MTA3: variants seen among roughly 807,000 people sequenced by gnomAD.
MTA3 encodes metastasis associated 1 family member 3, also known as metastasis-associated protein MTA3.
In MTA3, 34 loss-of-function variants were observed where a neutral mutation model predicts 83.5. The ratio of observed to expected loss-of-function variants is 0.41; its 90% CI spans 0.31 to 0.54. MTA3 has a LOEUF of 0.54. Among genes scored for constraint, MTA3 ranks in the 20% least tolerant of loss-of-function variants. The pLI is 0.33. For missense variants in MTA3, 761 were observed against 726.4 expected, an observed-to-expected ratio of 1.05 and a Z score of -0.55; for synonymous variants, 303 against 252.7, an observed-to-expected ratio of 1.20 and a Z score of -1.89.
At chr2:42,731,237 A>G (rs1262050165) in intron 16 of MTA3, among the ~76,000 whole-genome samples, 1 of 151,386 alleles carries the variant, frequency 6.6e-6, no homozygotes, top group Non-Finnish European at 1.5e-5. Flanking sequence ...CTTTTCTTTT[A>G]CTATTTTGGA....
intron 2 of MTA3, among the ~76,000 whole-genome samples, chr2:42,549,235 A>G (rs1460687955): frequency 3.7e-5 from 5 of 134,334 alleles, no homozygotes; most frequent in African/African-American, 1.1e-4. Context: ...TTATATATGT[A>G]TACGTATATA....
intron 4 of MTA3, among the ~76,000 whole-genome samples, chr2:42,633,743 A>AT (rs1686913692): frequency 6.6e-6 from 1 of 151,814 alleles, no homozygotes. Context: ...TACAAAAAAA[A>AT]GTTAGCCGGC....
rs916219567 is a variant in MTA3 at position 42,754,633 on chromosome 2, G to A, written c.*1234G>A. 1.0e-5 allele frequency: 10 copies of A among 985,480 alleles called. No homozygotes were observed. Among genetic ancestry groups the A allele is most frequent in the Non-Finnish European group, 1.2e-5 (10 of 829,966 alleles). 61.0% of individuals were successfully genotyped at this position (985,480 alleles called of 1,614,324 possible). A position where few individuals can be genotyped will look rare whatever the true frequency, so the allele number is the denominator to read the frequency against. On this transcript the variant is annotated 3_prime_UTR_variant, in exon 17 of 17. Coordinates refer to ENST00000405094, the MANE Select transcript of MTA3 (RefSeq NM_001330442.2). ...CAACTCCCCTGCCCTCTGTTTGCAG[G>A]CACAGGGTCACAGTCCCAAGAAAGA...
chr2:42,498,857 C>T (rs1007639737), intron 2 of MTA3, among the ~76,000 whole-genome samples: 10 of 152,124 alleles, frequency 6.6e-5, no homozygotes, highest in Admixed American at 6.6e-4. Flanking sequence ...TAGAAATTTG[C>T]CAGCCAAGCC....
At chr2:42,679,056 G>C (rs1179889946) in intron 8 of MTA3, among the ~76,000 whole-genome samples, 1 of 152,050 alleles carries the variant, frequency 6.6e-6, no homozygotes, top group Non-Finnish European at 1.5e-5. Context: ...AACTGATCTG[G>C]TGCCCCAGGT....
intron 3 of MTA3, 107 bp from the exon 4 acceptor site, chr2:42,609,351 G>C: frequency 1.6e-6 from 2 of 1,216,600 alleles, no homozygotes; most frequent in Non-Finnish European, 2.3e-6. Context: ...ATTTAAAATT[G>C]ATTAGTTTGA....
Position 42,659,762 on chromosome 2 carries a change from G to T in MTA3, c.603-1G>T, listed in dbSNP as rs991665280. The T allele has an allele frequency of 6.3e-7, 1 of 1,587,804 alleles. No homozygotes were observed. ...CCTTATTGTGTTTGTGGTTTATTCA[G>T]TGCTGTTGGGACATTCGCCAGAGCC... On this transcript the variant is annotated splice_acceptor_variant, in intron 7 of 16. Transcript: ENST00000405094. LOFTEE classifies it high-confidence loss of function.
At chr2:42,632,812 A>C (rs140864453) in intron 4 of MTA3, among the ~76,000 whole-genome samples, 152 of 152,198 alleles carry the variant, frequency 1.0e-3, no homozygotes, top group African/African-American at 3.2e-3. Context: ...ACACACAAAC[A>C]GATGTTTCAG....
At chr2:42,595,186 T>C (rs1460889378) in intron 3 of MTA3, among the ~76,000 whole-genome samples, 2 of 136,734 alleles carry the variant, frequency 1.5e-5, no homozygotes, top group Non-Finnish European at 3.0e-5. Flanking sequence ...CTCAGCTCAC[T>C]GCAAGCTCCA....
rs781358636 is a variant in MTA3, at chr2:42,709,278, G to GA, written c.1525+182_1525+183insA. 6.3e-4 allele frequency: 850 copies of GA among 1,346,424 alleles called. 2 individuals are homozygous for GA. Among genetic ancestry groups the GA allele is most frequent in the Middle Eastern group, 1.7e-3 (6 of 3,624 alleles). The allele number at this position is 1,346,424 out of a possible 1,614,324, so 83.4% of individuals were successfully genotyped here. A position where few individuals can be genotyped will look rare whatever the true frequency, so the allele number is the denominator to read the frequency against. Reference sequence around the variant, plus strand: ...GCTGCCATTTGTATCATGCCAACCTGGAAAAAAAAAATCAAAACATTGAAA... The same window carrying GA: ...GCTGCCATTTGTATCATGCCAACCTGAGAAAAAAAAAATCAAAACATTGAAA... On this transcript the variant is annotated intron_variant, in intron 14 of 16. Transcript: ENST00000405094.
chr2:42,656,186 T>G lies in MTA3; in HGVS notation c.500-14T>G. 1 of 1,598,954 alleles carries G rather than the reference T, an allele frequency of 6.3e-7. No homozygotes were observed. The highest frequency in any genetic ancestry group is 8.6e-7 in the Non-Finnish European group (1 of 1,166,756). On this transcript the variant is annotated splice_polypyrimidine_tract_variant and intron_variant, in intron 6 of 16. Transcript: ENST00000405094. The stretch of plus-strand genomic sequence containing the variant: ...TGTCAGTAACAAGACTCCATTTTAT[T>G]TATTTTTGGACAGGAGAATCAGATG...
At chr2:42,575,071 T>G (rs1678895620) in intron 2 of MTA3, among the ~76,000 whole-genome samples, 1 of 152,214 alleles carries the variant, frequency 6.6e-6, no homozygotes, top group South Asian at 2.1e-4. Context: ...AGACCCTATA[T>G]TCTTTGGCTG....
Position 42,625,029 on chromosome 2 carries a change from T to C in MTA3, c.318-15144T>C, listed in dbSNP as rs770833023. ...TGTAATTTGAAGATCTGTTTTCCTT[T>C]ATTTACTTTTTTATTTTTTTGAGAT... is the stretch of plus-strand genomic sequence containing the variant. On this transcript the variant is annotated intron_variant, in intron 4 of 16. Coordinates refer to ENST00000405094, the MANE Select transcript of MTA3 (RefSeq NM_001330442.2). 2.6e-4 allele frequency among the ~76,000 whole-genome samples: 40 copies of C among 152,278 alleles called. 1 individual carries two copies. The highest frequency in any genetic ancestry group is 1.6e-4 in the Non-Finnish European group (11 of 68,028).
intron 2 of MTA3, among the ~76,000 whole-genome samples, chr2:42,562,952 C>T (rs1470950550): frequency 6.6e-6 from 1 of 152,284 alleles, no homozygotes; most frequent in East Asian, 1.9e-4. Context: ...TCACTGATCT[C>T]TACTTACAGC....
At chr2:42,576,322 T>C (rs1273416250) in intron 2 of MTA3, among the ~76,000 whole-genome samples, 1 of 152,074 alleles carries the variant, frequency 6.6e-6, no homozygotes, top group Non-Finnish European at 1.5e-5. Context: ...AACAGGACAT[T>C]GAAGTTGAGG....
At chr2:42,596,627 A>C (rs1320030806) in intron 3 of MTA3, among the ~76,000 whole-genome samples, 1 of 152,188 alleles carries the variant, frequency 6.6e-6, no homozygotes, top group Non-Finnish European at 1.5e-5. Context: ...CAAAGCAAGT[A>C]CTGTATTAAT....
At chr2:42,722,558 T>C (rs918606404) in intron 15 of MTA3, among the ~76,000 whole-genome samples, 1 of 152,214 alleles carries the variant, frequency 6.6e-6, no homozygotes, top group Non-Finnish European at 1.5e-5. Flanking sequence ...AGCCTTTTGA[T>C]GTCTAATATC....
At chr2:42,693,291 C>G (rs1693082264) in intron 9 of MTA3, among the ~76,000 whole-genome samples, 1 of 152,140 alleles carries the variant, frequency 6.6e-6, no homozygotes, top group Non-Finnish European at 1.5e-5. Context: ...CAGCAGGTGG[C>G]AAAGTGAGAC....
At chr2:42,633,888 C>CA (rs749085536) in intron 4 of MTA3, among the ~76,000 whole-genome samples, 4,300 of 100,680 alleles carry the variant, frequency 0.043, 316 homozygotes, top group Admixed American at 0.25. Context: ...GACTCTGTCT[C>CA]AAAAAAAAAA....
Sources: gnomAD v4.1 joint callset for allele counts (sites outside exome capture counted in the v4.1 genomes callset) on GRCh38, gnomAD v4.1.1 for gene constraint, MANE v1.5 for transcripts, NCBI Gene and HGNC (gene_info 2026-07-23, HGNC 2026-07-21) for gene names.